Variants in IPO11 observed in about 807,000 individuals in gnomAD.
IPO11 encodes importin-11.
IPO11 carries 66 observed loss-of-function variants against 143.2 expected under a neutral mutation model. The observed-to-expected ratio is 0.46, with a 90% CI of 0.38 to 0.57. The LOEUF is 0.57. Among genes scored for constraint, IPO11 ranks in the 20% least tolerant of loss-of-function variants. The probability of loss-of-function intolerance (pLI) is 0.00; values close to 1 mark genes in which losing one functional copy is unlikely to be tolerated. For synonymous variants in IPO11, 385 were observed against 377.8 expected (o/e 1.02, Z -0.22); for missense variants, 1,026 against 1,141.0 (o/e 0.90, Z 1.45).
Position 62,598,506 on chromosome 5 carries a change from C to CT in IPO11, c.2679-3255dup, listed in dbSNP as rs1474645743. On this transcript the variant is annotated intron_variant, in intron 28 of 29. Coordinates refer to ENST00000325324, the MANE Select transcript of IPO11 (RefSeq NM_016338.5). ...TCTCTCTCTCTCTCTTTCTTTCTTTCTTTCTTTCTTTCTTTCTTTCTTTTC... is the reference window on the plus strand; with the variant it reads ...TCTCTCTCTCTCTCTTTCTTTCTTTCTTTTCTTTCTTTCTTTCTTTCTTTTC... Among the ~76,000 whole-genome samples the CT allele has an allele frequency of 3.7e-4, 2 of 5,410 alleles. 1 individual carries two copies. The highest frequency in any genetic ancestry group is 5.2e-4 in the Non-Finnish European group (2 of 3,852). 3.5% of individuals were successfully genotyped at this position (5,410 alleles called of 152,430 possible). A position where few individuals can be genotyped will look rare whatever the true frequency, so the allele number is the denominator to read the frequency against.
At chr5:62,519,364 G>A (rs760235601) in intron 20 of IPO11, among the ~76,000 whole-genome samples, 69 of 152,122 alleles carry the variant, frequency 4.5e-4, no homozygotes, top group Non-Finnish European at 8.7e-4. Flanking sequence ...TTTGGTGGAA[G>A]AATCCACTGT....
At chr5:62,548,688 A>G (rs1743292452) in intron 24 of IPO11, among the ~76,000 whole-genome samples, 1 of 152,042 alleles carries the variant, frequency 6.6e-6, no homozygotes, top group Non-Finnish European at 1.5e-5. Flanking sequence ...CAAAAGTATA[A>G]GATTCTGCTA....
intron 26 of IPO11, among the ~76,000 whole-genome samples, chr5:62,556,999 T>C (rs775853362): frequency 6.6e-6 from 1 of 152,214 alleles, no homozygotes; most frequent in Non-Finnish European, 1.5e-5. Flanking sequence ...TGTATTCACA[T>C]GTCCAGCCCT....
chr5:62,484,081 A>C lies in IPO11; in HGVS notation c.1093A>C (p.Ile365Leu). Residue 365 changes from isoleucine (I) to leucine (L), a missense_variant, in exon 11 of 30, where the codon ATA becomes CTA. Physicochemically the swap from Ile to Leu is conservative, Grantham distance 5. Transcript: ENST00000325324. ...CTTCACATATCCTACTTTGACAGAG[A>C]TATGTAGAAGATTAGTCTCTCATTA... is the stretch of plus-strand genomic sequence containing the variant. Reference protein sequence around the residue: ...AFFTYPTLTEICRRLVSHYFL... With the variant: ...AFFTYPTLTELCRRLVSHYFL... 6.2e-7 allele frequency: 1 copy of C among 1,609,994 alleles called. No homozygotes were observed. The highest frequency in any genetic ancestry group is 8.5e-7 in the Non-Finnish European group (1 of 1,177,904).
At chr5:62,489,821 A>T (rs1746537801) in intron 14 of IPO11, among the ~76,000 whole-genome samples, 1 of 152,234 alleles carries the variant, frequency 6.6e-6, no homozygotes, top group African/African-American at 2.4e-5. Context: ...CAGATCATAA[A>T]ATATTACATC....
chr5:62,420,280 A>G (rs574566973), intron 1 of IPO11, among the ~76,000 whole-genome samples: 1 of 148,946 alleles, frequency 6.7e-6, no homozygotes, highest in South Asian at 2.2e-4. Context: ...AACAAGAGTG[A>G]AGCTCCGTCT....
intron 22 of IPO11, among the ~76,000 whole-genome samples, chr5:62,536,114 T>C (rs1742725029): frequency 6.6e-6 from 1 of 152,118 alleles, no homozygotes; most frequent in African/African-American, 2.4e-5. Flanking sequence ...TTTTTTGGAG[T>C]GTGATCAGGA....
intron 2 of IPO11, among the ~76,000 whole-genome samples, chr5:62,441,526 T>C (rs1172280356): frequency 1.8e-5 from 2 of 110,068 alleles, no homozygotes; most frequent in Non-Finnish European, 3.7e-5. Context: ...TTTTTTTTTT[T>C]TTTTATGGGA....
chr5:62,517,557 C>T (rs1044319597), intron 20 of IPO11, among the ~76,000 whole-genome samples: 2 of 152,140 alleles, frequency 1.3e-5, no homozygotes. Context: ...CATGCTCCAC[C>T]ATGCCTGGCT....
At chr5:62,428,354 A>T (rs377747325) in intron 1 of IPO11, among the ~76,000 whole-genome samples, 33 of 151,724 alleles carry the variant, frequency 2.2e-4, no homozygotes, top group African/African-American at 7.7e-4. Context: ...TTATTTATTT[A>T]TTTTTTTGAG....
At position 62,561,082 on chromosome 5, in the gene IPO11, C is replaced by G. The variant is rs984125808; in HGVS notation, c.2461-54C>G. The G allele has an allele frequency of 6.7e-6, 10 of 1,491,196 alleles. No individual in the cohort carries two copies. The Admixed American group carries it at 1.5e-4, about 22-fold the overall frequency. 92.4% of individuals were successfully genotyped at this position (1,491,196 alleles called of 1,614,324 possible). On this transcript the variant is annotated intron_variant, in intron 26 of 29. Coordinates refer to ENST00000325324, the MANE Select transcript of IPO11 (RefSeq NM_016338.5). ...GGCTTTAGCCTTTAAAAGTATTTAC[C>G]CACAAGTAAAACATATTTTAGGTAT...
intron 19 of IPO11, among the ~76,000 whole-genome samples, chr5:62,507,403 A>C (rs1741590221): frequency 6.6e-6 from 1 of 152,124 alleles, no homozygotes; most frequent in Admixed American, 6.5e-5. Context: ...TGTTTTTTTC[A>C]ACAACATTGA....
At chr5:62,465,291 T>A (rs1561322008) in intron 5 of IPO11, among the ~76,000 whole-genome samples, 1 of 152,156 alleles carries the variant, frequency 6.6e-6, no homozygotes. Flanking sequence ...ACAATAAAAT[T>A]TAGGATGATA....
intron 1 of IPO11, among the ~76,000 whole-genome samples, chr5:62,436,102 C>T (rs1744221849): frequency 6.6e-6 from 1 of 152,042 alleles, no homozygotes; most frequent in Admixed American, 6.6e-5. Flanking sequence ...GTTATTAGGC[C>T]CTTTTTAAGA....
chr5:62,491,861 G>A (rs560184176), intron 15 of IPO11, among the ~76,000 whole-genome samples: 9 of 151,822 alleles, frequency 5.9e-5, no homozygotes, highest in African/African-American at 9.7e-5. Context: ...TAGTAGAGAC[G>A]AGGTTTCACT....
At chr5:62,562,295 G>T (rs1743799303) in intron 27 of IPO11, 1 of 152,160 alleles carries the variant, frequency 6.6e-6, no homozygotes, top group Non-Finnish European at 1.5e-5. Context: ...TGTGTTAAAA[G>T]AATAATGATA....
intron 2 of IPO11, among the ~76,000 whole-genome samples, chr5:62,442,239 C>T (rs1339886915): frequency 1.3e-5 from 2 of 152,116 alleles, no homozygotes; most frequent in African/African-American, 2.4e-5. Flanking sequence ...GGCCTTGACT[C>T]CTTAGAATCT....
intron 29 of IPO11, among the ~76,000 whole-genome samples, chr5:62,619,807 C>G (rs745960704): frequency 6.6e-6 from 1 of 151,330 alleles, no homozygotes; most frequent in African/African-American, 2.4e-5. Context: ...TGAGCTGAGC[C>G]GAGATTGCGC....
intron 3 of IPO11, among the ~76,000 whole-genome samples, chr5:62,446,500 A>G (rs1744726125): frequency 6.6e-6 from 1 of 152,134 alleles, no homozygotes; most frequent in Admixed American, 6.6e-5. Context: ...TAGTAATTTT[A>G]GTTTGCATTT....
Sources: gnomAD v4.1 joint callset for allele counts (sites outside exome capture counted in the v4.1 genomes callset) on GRCh38, gnomAD v4.1.1 for gene constraint, MANE v1.5 for transcripts, NCBI Gene and HGNC (gene_info 2026-07-23, HGNC 2026-07-21) for gene names.